The following LRRC40 variants were observed in gnomAD, a reference collection of about 807,000 sequenced individuals.
LRRC40 encodes leucine-rich repeat-containing protein 40.
LRRC40 carries 76 observed loss-of-function variants against 72.8 expected under a neutral mutation model. The ratio of observed to expected loss-of-function variants is 1.04; its 90% CI spans 0.87 to 1.26. The LOEUF is 1.26. Ranked by LOEUF, LRRC40 falls within the 50% of genes most tolerant of loss-of-function variation. The pLI, the probability that LRRC40 is intolerant of heterozygous loss-of-function variation, is 0.00. For synonymous variants in LRRC40, 243 were observed against 254.2 expected (o/e 0.96, Z 0.42); for missense variants, 684 against 698.9 (o/e 0.98, Z 0.24).
chr1:70,154,273 G>A (rs1213218463), intron 11 of LRRC40, among the ~76,000 whole-genome samples: 1 of 152,116 alleles, frequency 6.6e-6, no homozygotes, highest in East Asian at 1.9e-4. Context: ...GGCATGTCTT[G>A]ATTATTTTCT....
chr1:70,191,863 C>T (rs1668507954), intron 1 of LRRC40, among the ~76,000 whole-genome samples: 1 of 152,010 alleles, frequency 6.6e-6, no homozygotes, highest in South Asian at 2.1e-4. Flanking sequence ...CAAACATATA[C>T]ATAAATTTAA....
At chr1:70,155,252 A>T (rs917321298) in intron 11 of LRRC40, among the ~76,000 whole-genome samples, 2 of 152,110 alleles carry the variant, frequency 1.3e-5, no homozygotes, top group Admixed American at 1.3e-4. Context: ...TATCAGTGGA[A>T]AAATTAGTGG....
chr1:70,145,724 T>C lies in LRRC40; in HGVS notation c.*76A>G, dbSNP rs2100213063. ...CAATAATCACCTTTTAAGATGATAC[T>C]AAAACAAATGTTACATCCTCCTTAG... On this transcript the variant is annotated 3_prime_UTR_variant, in exon 15 of 15. Coordinates refer to ENST00000370952, the MANE Select transcript of LRRC40 (RefSeq NM_017768.5). 1.3e-6 allele frequency: 1 copy of C among 753,048 alleles called. No individual in the cohort carries two copies. Among genetic ancestry groups the C allele is most frequent in the South Asian group, 1.9e-5 (1 of 51,490 alleles). The allele number at this position is 753,048 out of a possible 1,614,324, so 46.6% of individuals were successfully genotyped here.
intron 6 of LRRC40, among the ~76,000 whole-genome samples, chr1:70,177,096 C>T (rs949626780): frequency 1.3e-5 from 2 of 151,984 alleles, no homozygotes; most frequent in African/African-American, 2.4e-5. Context: ...GCCAACATGG[C>T]GAAACCCCAT....
At position 70,159,333 on chromosome 1, in the gene LRRC40, T is replaced by G. The variant is rs746895976; in HGVS notation, c.1217A>C (p.Tyr406Ser). 7 of 1,322,986 alleles carry G rather than the reference T, an allele frequency of 5.3e-6. No individual in the cohort carries two copies. The highest frequency in any genetic ancestry group is 6.5e-6 in the Non-Finnish European group (6 of 929,772). 82.0% of individuals were successfully genotyped at this position (1,322,986 alleles called of 1,614,324 possible). A position where few individuals can be genotyped will look rare whatever the true frequency, so the allele number is the denominator to read the frequency against. ...AAAATAATAATAAATTACATACCTA[T>G]AGTCTAATATTTTTAATGTAATGAT... ...HAIITLKILD[Y>S]SDKQATLIPD... Residue 406 changes from tyrosine to serine, a missense_variant, in exon 10 of 15, where the codon TAT becomes TCT. Coordinates refer to ENST00000370952, the MANE Select transcript of LRRC40 (RefSeq NM_017768.5).
At chr1:70,194,069 G>C (rs1240691603) in intron 1 of LRRC40, among the ~76,000 whole-genome samples, 1 of 151,890 alleles carries the variant, frequency 6.6e-6, no homozygotes, top group Non-Finnish European at 1.5e-5. Flanking sequence ...TTTTAATAGA[G>C]GTCTTGACCA....
At chr1:70,157,247 CA>C (rs1667658967) in intron 10 of LRRC40, among the ~76,000 whole-genome samples, 1 of 151,530 alleles carries the variant, frequency 6.6e-6, no homozygotes, top group African/African-American at 2.4e-5. Context: ...TGTGTAGATG[CA>C]GCATTTTCAT....
At chr1:70,187,425 A>T in intron 2 of LRRC40, 87 bp from the exon 3 acceptor site, 1 of 664,824 alleles carries the variant, frequency 1.5e-6, no homozygotes, top group South Asian at 1.9e-5. Flanking sequence ...ACTATTAGTC[A>T]GTAATCTCCT....
intron 9 of LRRC40, among the ~76,000 whole-genome samples, chr1:70,166,825 C>T (rs1667890809): frequency 6.6e-6 from 1 of 151,870 alleles, no homozygotes; most frequent in Admixed American, 6.6e-5. Context: ...CCATTCCTTA[C>T]ATGCATTTGT....
At chr1:70,195,277 G>C (rs1668582865) in intron 1 of LRRC40, among the ~76,000 whole-genome samples, 1 of 151,494 alleles carries the variant, frequency 6.6e-6, no homozygotes, top group Admixed American at 6.6e-5. Context: ...GCTAAACTGG[G>C]AGAAAATATT....
chr1:70,201,066 G>A (rs1668727151), intron 1 of LRRC40, among the ~76,000 whole-genome samples: 1 of 152,240 alleles, frequency 6.6e-6, no homozygotes, highest in East Asian at 1.9e-4. Flanking sequence ...TACTTGACAG[G>A]CTGAGGAGGG....
intron 1 of LRRC40, 62 bp downstream of exon 1, chr1:70,205,328 G>T (rs1403306686): frequency 2.1e-6 from 3 of 1,446,648 alleles, no homozygotes; most frequent in Non-Finnish European, 2.8e-6. Flanking sequence ...AGAAAAGGGA[G>T]GTTGCCTGGG....
intron 9 of LRRC40, among the ~76,000 whole-genome samples, chr1:70,160,175 TCAA>T (rs1293398245): frequency 6.6e-6 from 1 of 152,180 alleles, no homozygotes; most frequent in Non-Finnish European, 1.5e-5. Context: ...CTATCACTTT[TCAA>T]CAATGTGAAA....
intron 2 of LRRC40, among the ~76,000 whole-genome samples, chr1:70,187,692 G>A (rs556134060): frequency 4.1e-4 from 63 of 152,000 alleles, no homozygotes; most frequent in African/African-American, 1.4e-3. Context: ...TTAGTCAGGC[G>A]TAGTGGCGCA....
At chr1:70,181,313 G>C in intron 4 of LRRC40, 104 bp from the exon 5 acceptor site, 1 of 617,998 alleles carries the variant, frequency 1.6e-6, no homozygotes, top group Non-Finnish European at 2.6e-6. Context: ...CAACATAAAA[G>C]AGACTACTTA....
intron 1 of LRRC40, among the ~76,000 whole-genome samples, chr1:70,193,620 T>C (rs1239414271): frequency 6.6e-6 from 1 of 152,004 alleles, no homozygotes; most frequent in East Asian, 1.9e-4. Context: ...AGGCCAGTCT[T>C]ACTCTGATGC....
At position 70,173,629 on chromosome 1, in the gene LRRC40, A is replaced by G; in HGVS notation, c.1058T>C (p.Ile353Thr). ...AATTCCAAATATACTTACACTTATA[A>G]TTTCTCTTCGAATTGTTCTCAAAGG... The part of the protein sequence containing the change: ...GNPLRTIRRE[I>T]ISKGTQEVLK... Residue 353 changes from isoleucine to threonine, a missense_variant, in exon 8 of 15, where the codon ATT becomes ACT. Ile to Thr is a moderately conservative substitution (Grantham distance 89). Coordinates refer to ENST00000370952, the MANE Select transcript of LRRC40 (RefSeq NM_017768.5). 2 of 1,563,016 alleles carry G rather than the reference A, an allele frequency of 1.3e-6. No homozygotes were observed. Among genetic ancestry groups the G allele is most frequent in the South Asian group, 2.3e-5 (2 of 85,974 alleles).
intron 1 of LRRC40, among the ~76,000 whole-genome samples, chr1:70,204,979 G>A (rs1668888027): frequency 6.6e-6 from 1 of 151,806 alleles, no homozygotes; most frequent in African/African-American, 2.4e-5. Flanking sequence ...GGTTCACAAA[G>A]GGGCCGATAA....
At chr1:70,172,898 T>C (rs1342524757) in intron 9 of LRRC40, among the ~76,000 whole-genome samples, 1 of 152,064 alleles carries the variant, frequency 6.6e-6, no homozygotes, top group Admixed American at 6.6e-5. Context: ...TACTTTTTTT[T>C]TTCAAAATGT....
Sources: gnomAD v4.1 joint callset for allele counts (sites outside exome capture counted in the v4.1 genomes callset) on GRCh38, gnomAD v4.1.1 for gene constraint, MANE v1.5 for transcripts, NCBI Gene and HGNC (gene_info 2026-07-23, HGNC 2026-07-21) for gene names.